The following MICU3 variants were observed in gnomAD, a reference collection of about 807,000 sequenced individuals.
MICU3 encodes calcium uptake protein 3, mitochondrial.
A neutral mutation model predicts 66.5 loss-of-function variants in MICU3; 62 were observed. That is an observed-to-expected ratio of 0.93 (90% CI 0.76 to 1.15). The LOEUF is 1.15. MICU3 is among the 50% of genes most tolerant of loss of function. MICU3 has a pLI of 0.00. For missense variants in MICU3, 779 were observed against 664.4 expected (o/e 1.17, Z -1.90); for synonymous variants, 308 against 240.7 (o/e 1.28, Z -2.59).
chr8:17,119,058 C>T (rs937502712), intron 14 of MICU3, among the ~76,000 whole-genome samples: 2 of 152,098 alleles, frequency 1.3e-5, no homozygotes, highest in African/African-American at 4.8e-5. Context: ...TTCTGAGCAT[C>T]CACAGAAAAT....
intron 11 of MICU3, among the ~76,000 whole-genome samples, chr8:17,105,851 T>A (rs542262959): frequency 2.5e-3 from 374 of 152,184 alleles, no homozygotes; most frequent in African/African-American, 8.6e-3. Context: ...ATATCATTTT[T>A]CAGGAGAATT....
intron 11 of MICU3, among the ~76,000 whole-genome samples, chr8:17,110,401 A>C (rs991009053): frequency 6.6e-6 from 1 of 152,050 alleles, no homozygotes; most frequent in Non-Finnish European, 1.5e-5. Context: ...CCCCGTACCT[A>C]TGATGCAGTC....
At chr8:17,119,004 A>G (rs1195404420) in intron 14 of MICU3, among the ~76,000 whole-genome samples, 5 of 152,208 alleles carry the variant, frequency 3.3e-5, no homozygotes, top group Non-Finnish European at 5.9e-5. Context: ...ATATAGGATA[A>G]TTAGCACCCA....
intron 3 of MICU3, among the ~76,000 whole-genome samples, chr8:17,075,097 A>G (rs1820179386): frequency 6.6e-6 from 1 of 152,164 alleles, no homozygotes; most frequent in East Asian, 1.9e-4. Context: ...TAGATAGAAT[A>G]CAGAGTAAGA....
intron 1 of MICU3, among the ~76,000 whole-genome samples, chr8:17,028,645 T>C (rs1320864371): frequency 2.0e-5 from 3 of 152,226 alleles, no homozygotes; most frequent in Admixed American, 6.5e-5. Context: ...AAGTGCATCA[T>C]TTCCTTTGGT....
chr8:17,063,933 T>G, intron 1 of MICU3, 151 bp from the exon 2 acceptor site: 1 of 433,294 alleles, frequency 2.3e-6, no homozygotes, highest in Non-Finnish European at 4.0e-6. Context: ...TGTGAATAAT[T>G]TATTTATAAA....
intron 1 of MICU3, among the ~76,000 whole-genome samples, chr8:17,048,490 G>C (rs919088269): frequency 6.6e-6 from 1 of 152,138 alleles, no homozygotes; most frequent in Admixed American, 6.5e-5. Flanking sequence ...GAACAGTGTG[G>C]GAAAGACCCA....
At position 17,027,591 on chromosome 8, in the gene MICU3, C is replaced by A; in HGVS notation, c.312C>A (p.Ala104=). The part of the protein sequence containing the change: ...PATGRPSKSA[A]TEPEDPPRGR... ...CCGGGCGACCCTCAAAGAGCGCGGC[C>A]ACGGAGCCCGAGGACCCGCCCCGCG... is the stretch of plus-strand genomic sequence containing the variant. The change falls in exon 1 of 15, where the codon GCC becomes GCA. Residue 104 remains alanine, a synonymous_variant. Coordinates refer to ENST00000318063, the MANE Select transcript of MICU3 (RefSeq NM_181723.3). 7.7e-7 allele frequency: 1 copy of A among 1,297,848 alleles called. No homozygotes were observed. Among genetic ancestry groups the A allele is most frequent in the Non-Finnish European group, 9.7e-7 (1 of 1,026,742 alleles). 80.4% of individuals were successfully genotyped at this position (1,297,848 alleles called of 1,614,324 possible).
At chr8:17,041,435 T>C (rs961002250) in intron 1 of MICU3, among the ~76,000 whole-genome samples, 1 of 152,206 alleles carries the variant, frequency 6.6e-6, no homozygotes. Context: ...TGGGTGATTT[T>C]GTGAAGACAT....
In MICU3 at chr8:17,116,616, T is replaced by G. The variant is rs1355431495; in HGVS notation, c.1524+16T>G. ...AGGATTCCGGGTAAACCTACACATT[T>G]TAAACCTATTGATATCCTTTTTAAA... is the stretch of plus-strand genomic sequence containing the variant. On this transcript the variant is annotated intron_variant, in intron 13 of 14. Transcript: ENST00000318063. 5.3e-6 allele frequency: 8 copies of G among 1,521,810 alleles called. No individual in the cohort carries two copies. Among genetic ancestry groups the G allele is most frequent in the Non-Finnish European group, 7.0e-6 (8 of 1,137,338 alleles). 94.3% of individuals were successfully genotyped at this position (1,521,810 alleles called of 1,614,324 possible). A position where few individuals can be genotyped will look rare whatever the true frequency, so the allele number is the denominator to read the frequency against.
At chr8:17,124,093 A>C (rs907779225), downstream of MICU3, among the ~76,000 whole-genome samples, 1 of 151,894 alleles carries the variant, frequency 6.6e-6, no homozygotes, top group East Asian at 1.9e-4. Flanking sequence ...TCTTATTTTT[A>C]GCTTGTTAAG....
At chr8:17,105,369 C>T in intron 10 of MICU3, 44 bp from the exon 11 acceptor site, 1 of 1,221,010 alleles carries the variant, frequency 8.2e-7, no homozygotes, top group Non-Finnish European at 1.2e-6. Flanking sequence ...GTTACGATTA[C>T]TCTTTCTTTA....
chr8:17,080,241 A>T (rs1395788106), intron 4 of MICU3, among the ~76,000 whole-genome samples: 1 of 152,018 alleles, frequency 6.6e-6, no homozygotes, highest in African/African-American at 2.4e-5. Context: ...ATAATATATC[A>T]TGGGTTTCAC....
intron 3 of MICU3, among the ~76,000 whole-genome samples, chr8:17,071,567 G>C (rs1488928824): frequency 6.6e-6 from 1 of 152,060 alleles, no homozygotes; most frequent in Admixed American, 6.6e-5. Context: ...ATGAATCGGG[G>C]AGAGGGGCAC....
the MICU3 span, among the ~76,000 whole-genome samples, chr8:17,138,521 C>T: frequency 1.1e-4 from 17 of 152,222 alleles, no homozygotes; most frequent in African/African-American, 3.8e-4. Context: ...ATGATGTCCA[C>T]TTTGTCTTTA....
At chr8:17,029,651 A>G (rs1563257315) in intron 1 of MICU3, among the ~76,000 whole-genome samples, 1 of 151,822 alleles carries the variant, frequency 6.6e-6, no homozygotes, top group Non-Finnish European at 1.5e-5. Flanking sequence ...TGCCTTTTGT[A>G]TTTCCCTCTC....
At chr8:17,057,498 T>G (rs1200792108) in intron 1 of MICU3, among the ~76,000 whole-genome samples, 1 of 152,156 alleles carries the variant, frequency 6.6e-6, no homozygotes, top group Non-Finnish European at 1.5e-5. Context: ...CTCTAAGAAT[T>G]TTTAATTAGA....
At position 17,063,113 on chromosome 8, in the gene MICU3, G is replaced by A. The variant is rs912364122; in HGVS notation, c.382-971G>A. On this transcript the variant is annotated intron_variant, in intron 1 of 14. Transcript: ENST00000318063. ...GAAAATGGCCCCGAAGTTTTAGTAAGTAAAAAGGTCAGATTACTGAATGAT... is the reference window on the plus strand; with the variant it reads ...GAAAATGGCCCCGAAGTTTTAGTAAATAAAAAGGTCAGATTACTGAATGAT... 1.3e-5 allele frequency among the ~76,000 whole-genome samples: 2 copies of A among 152,110 alleles called. 1 individual carries two copies. Among genetic ancestry groups the A allele is most frequent in the Admixed American group, 1.3e-4 (2 of 15,272 alleles).
intron 1 of MICU3, among the ~76,000 whole-genome samples, chr8:17,033,975 C>T (rs1668684457): frequency 6.6e-6 from 1 of 152,102 alleles, no homozygotes. Flanking sequence ...ATGAAACAGC[C>T]TGTTAGTGCA....
Sources: allele counts gnomAD v4.1 joint callset (sites outside exome capture counted in the v4.1 genomes callset), GRCh38; gene constraint gnomAD v4.1.1; transcripts MANE v1.5; gene names NCBI Gene and HGNC (gene_info 2026-07-23, HGNC 2026-07-21).